The following PRSS55 variants were observed in gnomAD, a reference collection of about 807,000 sequenced individuals.
PRSS55 encodes the protein probable serine protease UNQ9391/PRO34284.
In PRSS55, 41 loss-of-function variants were observed where a neutral mutation model predicts 23.6. The ratio of observed to expected loss-of-function variants is 1.74; its 90% CI spans 1.35 to 2.26. PRSS55 has a LOEUF of 2.26. PRSS55 is among the 30% of genes most tolerant of loss of function. The pLI, the probability that PRSS55 is intolerant of heterozygous loss-of-function variation, is 0.00. For missense variants in PRSS55, 669 were observed against 439.1 expected, an observed-to-expected ratio of 1.52 and a Z score of -4.68; for synonymous variants, 262 against 175.5, an observed-to-expected ratio of 1.49 and a Z score of -3.90.
At chr8:10,546,316 G>A (rs973202356) in intron 4 of PRSS55, among the ~76,000 whole-genome samples, 2 of 152,162 alleles carry the variant, frequency 1.3e-5, no homozygotes, top group African/African-American at 4.8e-5. Context: ...GAACTAAACA[G>A]CCCCAGACAA....
At chr8:10,546,594 C>T (rs1812824188) in intron 4 of PRSS55, among the ~76,000 whole-genome samples, 2 of 152,174 alleles carry the variant, frequency 1.3e-5, no homozygotes, top group African/African-American at 2.4e-5. Flanking sequence ...CACGGTGCTC[C>T]TGTTGCCCCC....
chr8:10,548,035 C>A (rs1333605057), intron 4 of PRSS55, among the ~76,000 whole-genome samples: 5 of 152,108 alleles, frequency 3.3e-5, no homozygotes, highest in South Asian at 2.1e-4. Flanking sequence ...AGAGCAGAGA[C>A]CTGGAGGACA....
intron 4 of PRSS55, among the ~76,000 whole-genome samples, chr8:10,549,647 G>A (rs143929818): frequency 2.0e-5 from 3 of 152,338 alleles, no homozygotes; most frequent in Non-Finnish European, 4.4e-5. Context: ...CAGTGGCCAT[G>A]TTAGGGTACC....
In PRSS55 at chr8:10,544,995, C is replaced by A. The variant is rs1405999912; in HGVS notation, c.742-8948C>A. 1.2e-5 allele frequency: 12 copies of A among 985,058 alleles called. No homozygotes were observed. In the Admixed American group the frequency reaches 3.1e-4, roughly 25 times the overall value. 61.0% of individuals were successfully genotyped at this position (985,058 alleles called of 1,614,324 possible). ...AGGGACAGAAAACTGACTGTGTGCT[C>A]TGTTGACCCAGCCTCAACAAACAGG... is the stretch of plus-strand genomic sequence containing the variant. On this transcript the variant is annotated intron_variant, in intron 4 of 4. Transcript: ENST00000522210.
chr8:10,544,201 A>G (rs1303476979), intron 4 of PRSS55, among the ~76,000 whole-genome samples: 4 of 151,946 alleles, frequency 2.6e-5, no homozygotes, highest in African/African-American at 4.8e-5. Flanking sequence ...TGAATGTTCT[A>G]TTGTTAGATG....
intron 1 of PRSS55, among the ~76,000 whole-genome samples, chr8:10,527,842 G>A (rs1165512108): frequency 6.6e-6 from 1 of 152,230 alleles, no homozygotes; most frequent in Non-Finnish European, 1.5e-5. Context: ...ATCGGTGCTT[G>A]CAAAGTGCTT....
chr8:10,544,939 G>C, intron 4 of PRSS55: 2 of 789,804 alleles, frequency 2.5e-6, no homozygotes, highest in Non-Finnish European at 3.1e-6. Context: ...GATAAAGTAT[G>C]TATTTATAGA....
chr8:10,549,570 TC>T (rs1169610150), intron 4 of PRSS55, among the ~76,000 whole-genome samples: 4 of 152,106 alleles, frequency 2.6e-5, no homozygotes, highest in African/African-American at 9.7e-5. Flanking sequence ...ACCCCACAGA[TC>T]ATCAAGAAAA....
In PRSS55 at chr8:10,531,658, A is replaced by G; in HGVS notation, c.598+113A>G. Reference sequence around the variant, plus strand: ...CTTGCATTGGAGCAGATTCCCGCTCAGTGGAGTCTCACAGTGCCCAAAGTT... The same window carrying G: ...CTTGCATTGGAGCAGATTCCCGCTCGGTGGAGTCTCACAGTGCCCAAAGTT... On this transcript the variant is annotated intron_variant, in intron 3 of 4. Coordinates refer to ENST00000328655, the MANE Select transcript of PRSS55 (RefSeq NM_198464.4). 2.1e-6 allele frequency: 3 copies of G among 1,454,530 alleles called. No homozygotes were observed. The South Asian group carries it at 4.0e-5, about 19-fold the overall frequency. 90.1% of individuals were successfully genotyped at this position (1,454,530 alleles called of 1,614,324 possible).
At position 10,538,803 on chromosome 8, in the gene PRSS55, A is replaced by G; in HGVS notation, c.*10A>G. 1 of 1,539,620 alleles carries G rather than the reference A, an allele frequency of 6.5e-7. No individual in the cohort carries two copies. Among genetic ancestry groups the G allele is most frequent in the Non-Finnish European group, 8.7e-7 (1 of 1,145,884 alleles). Reference sequence around the variant, plus strand: ...AGCTATTTTGTACTGATAATAAAATAGAGGCTATTCTTTCAACCGAGGGAG... The same window carrying G: ...AGCTATTTTGTACTGATAATAAAATGGAGGCTATTCTTTCAACCGAGGGAG... On this transcript the variant is annotated 3_prime_UTR_variant, in exon 5 of 5. Transcript: ENST00000328655.
chr8:10,541,845 A>G (rs1812665262), downstream of PRSS55, among the ~76,000 whole-genome samples: 3 of 152,052 alleles, frequency 2.0e-5, no homozygotes, highest in South Asian at 4.1e-4. Flanking sequence ...TGCCACCTAC[A>G]TCTCAGGCAA....
At chr8:10,529,366 G>A in intron 1 of PRSS55, 141 bp from the exon 2 acceptor site, 4 of 832,840 alleles carry the variant, frequency 4.8e-6, no homozygotes, top group Non-Finnish European at 6.1e-6. Flanking sequence ...GCCCCGCTCG[G>A]CAGCCTCAGT....
At chr8:10,531,143 T>C (rs1812242801) in intron 2 of PRSS55, 152 bp from the exon 3 acceptor site, 1 of 961,560 alleles carries the variant, frequency 1.0e-6, no homozygotes, top group East Asian at 2.4e-5. Flanking sequence ...TCCTACCTTT[T>C]TCCAATCCTC....
At chr8:10,541,317 C>T (rs997650678), downstream of PRSS55, 1 of 152,196 alleles carries the variant, frequency 6.6e-6, no homozygotes, top group Non-Finnish European at 1.5e-5. Flanking sequence ...AGCAGATTGC[C>T]CTCCATAATG....
chr8:10,527,868 G>A (rs76593931), intron 1 of PRSS55, among the ~76,000 whole-genome samples: 3,161 of 152,306 alleles, frequency 0.021, 127 homozygotes, highest in African/African-American at 0.072. Flanking sequence ...AGTGCCTGAC[G>A]CACAGTAAGC....
intron 4 of PRSS55, among the ~76,000 whole-genome samples, chr8:10,551,301 G>T (rs949049342): frequency 3.3e-5 from 5 of 150,076 alleles, no homozygotes; most frequent in African/African-American, 1.2e-4. Context: ...AAACACCCTT[G>T]GCTTTAAAAT....
At chr8:10,534,191 A>G (rs1274220477) in intron 4 of PRSS55, among the ~76,000 whole-genome samples, 3 of 152,222 alleles carry the variant, frequency 2.0e-5, no homozygotes, top group Non-Finnish European at 4.4e-5. Context: ...CGGAGTAAAC[A>G]CAATTCTCCC....
At chr8:10,526,478 C>G (rs1226608644) in intron 1 of PRSS55, among the ~76,000 whole-genome samples, 1 of 152,240 alleles carries the variant, frequency 6.6e-6, no homozygotes, top group East Asian at 1.9e-4. Context: ...AGCCTAGGGT[C>G]CACTGCACTC....
At position 10,532,948 on chromosome 8, in the gene PRSS55, T is replaced by C; in HGVS notation, c.641T>C (p.Met214Thr). The stretch of plus-strand genomic sequence containing the variant: ...AAAACGGATCTGATGAAAGCGCCAA[T>C]GGTCATCATGGACTGGGAGGAGTGT... ...SVKTDLMKAP[M>T]VIMDWEECSK... is the part of the protein sequence containing the mutation. Residue 214 changes from methionine (M) to threonine (T), a missense_variant, in exon 4 of 5, where the codon ATG (methionine) becomes ACG (threonine). Met to Thr is a moderately conservative substitution (Grantham distance 81, BLOSUM62 -1). Transcript: ENST00000328655. 1 of 1,614,172 alleles carries C rather than the reference T, an allele frequency of 6.2e-7. No homozygotes were observed. Among genetic ancestry groups the C allele is most frequent in the Non-Finnish European group, 8.5e-7 (1 of 1,180,008 alleles).
Sources: gnomAD v4.1 joint callset for allele counts (sites outside exome capture counted in the v4.1 genomes callset) on GRCh38, gnomAD v4.1.1 for gene constraint, MANE v1.5 for transcripts, NCBI Gene and HGNC (gene_info 2026-07-23, HGNC 2026-07-21) for gene names.